The following SIGIRR variants were observed in gnomAD, a reference collection of about 807,000 sequenced individuals.
SIGIRR encodes single Ig and TIR domain containing.
In SIGIRR, 41 loss-of-function variants were observed where a neutral mutation model predicts 45.6. The ratio of observed to expected loss-of-function variants is 0.90; its 90% CI spans 0.70 to 1.17. The LOEUF (loss-of-function observed/expected upper bound fraction) is 1.17. Among genes scored for constraint, SIGIRR ranks in the 50% most tolerant of loss-of-function variants. SIGIRR has a pLI of 0.00. For missense variants in SIGIRR, 599 were observed against 539.6 expected, an observed-to-expected ratio of 1.11 and a Z score of -1.09; for synonymous variants, 298 against 239.0, an observed-to-expected ratio of 1.25 and a Z score of -2.28.
chr11:409,130 T>G, intron 2 of SIGIRR: 1 of 573,422 alleles, frequency 1.7e-6, no homozygotes. Flanking sequence ...GTGGCCACAG[T>G]TGAGCTGCCC....
chr11:408,278 G>A, intron 3 of SIGIRR, 72 bp from the exon 4 acceptor site: 1 of 1,565,724 alleles, frequency 6.4e-7, no homozygotes, highest in Non-Finnish European at 8.6e-7. Context: ...ACCTGTCTGG[G>A]TTCACCCAGG....
intron 1 of SIGIRR, among the ~76,000 whole-genome samples, chr11:410,619 C>G (rs1272788155): frequency 5.3e-4 from 3 of 5,702 alleles, no homozygotes; most frequent in African/African-American, 3.0e-3. Context: ...TGGATGCAGT[C>G]GGGGGGGGGG....
At chr11:409,779 A>AT in intron 2 of SIGIRR, 89 bp downstream of exon 2, 4 of 1,323,790 alleles carry the variant, frequency 3.0e-6, no homozygotes, top group Non-Finnish European at 3.9e-6. Context: ...AGTGCCTGGG[A>AT]TAAGAGCAGG....
chr11:406,196 G>T (rs776210582), intron 9 of SIGIRR, 137 bp from the exon 10 acceptor site: 17 of 1,537,984 alleles, frequency 1.1e-5, no homozygotes, highest in Admixed American at 5.9e-5. Flanking sequence ...ACCGAGGGCC[G>T]AGCACCTCCA....
intron 1 of SIGIRR, among the ~76,000 whole-genome samples, chr11:413,246 C>G (rs1407099740): frequency 6.6e-6 from 1 of 152,152 alleles, no homozygotes; most frequent in African/African-American, 2.4e-5. Context: ...GAAGCACAGC[C>G]AGAGGCCCCA....
At chr11:415,554 G>A (rs1472752918), upstream of SIGIRR, among the ~76,000 whole-genome samples, 2 of 152,236 alleles carry the variant, frequency 1.3e-5, no homozygotes, top group South Asian at 2.1e-4. This position sits in a 1 kb window ranked among gnomAD's most constrained non-coding sequence, Gnocchi z 6.6. Context: ...AGAAACTCCC[G>A]GTCAACAATG....
At chr11:415,559 A>C (rs1847859592), upstream of SIGIRR, among the ~76,000 whole-genome samples, 1 of 152,176 alleles carries the variant, frequency 6.6e-6, no homozygotes, top group Non-Finnish European at 1.5e-5. The surrounding 1 kb of genome is among the most constrained non-coding windows in gnomAD (Gnocchi z 6.6). Flanking sequence ...CTCCCGGTCA[A>C]CAATGGGGCT....
intron 2 of SIGIRR, 43 bp downstream of exon 2, chr11:409,825 T>C: frequency 7.3e-7 from 1 of 1,363,230 alleles, no homozygotes; most frequent in African/African-American, 1.5e-5. Context: ...GGGCAGGAGG[T>C]GGGAGTGGGG....
In SIGIRR at chr11:409,959, C is replaced by T. The variant is rs1847511600; in HGVS notation, c.-85G>A. On this transcript the variant is annotated 5_prime_UTR_variant, in exon 2 of 10. Transcript: ENST00000431843. ...CGGGCTCCTCGGCCAGCAGACTGAT[C>T]CAAGAGCTGGGCAGGACTCCTCTCT... is the stretch of plus-strand genomic sequence containing the variant. 8.0e-7 allele frequency: 1 copy of T among 1,255,974 alleles called. No homozygotes were observed. The highest frequency in any genetic ancestry group is 1.0e-6 in the Non-Finnish European group (1 of 996,540). The allele number at this position is 1,255,974 out of a possible 1,614,324, so 77.8% of individuals were successfully genotyped here.
intron 2 of SIGIRR, 126 bp from the exon 3 acceptor site, chr11:409,019 A>C (rs1332778292): frequency 1.2e-6 from 1 of 841,832 alleles, no homozygotes; most frequent in African/African-American, 1.7e-5. Flanking sequence ...ATGTCTGTCC[A>C]CGAGTCCCAT....
rs762216833 is a variant in SIGIRR at position 405,959 on chromosome 11, G to C, written c.1170C>G (p.Leu390=). ...TGCGGGCACTGTAGTTTCGCGAGCC[G>C]AGATCCGAGACGTCCACTTCGCTGC... ...SRSSEVDVSD[L]GSRNYSARTD... Residue 390 remains leucine, a synonymous_variant, in exon 10 of 10, where the codon CTC becomes CTG. Transcript: ENST00000431843. The C allele has an allele frequency of 4.3e-6, 7 of 1,612,150 alleles. No homozygotes were observed. In the African/African-American group the frequency reaches 8.0e-5, roughly 18 times the overall value.
Position 408,218 on chromosome 11 carries a change from A to G in SIGIRR, c.207-12T>C, listed in dbSNP as rs756021198. 32 of 1,612,102 alleles carry G rather than the reference A, an allele frequency of 2.0e-5. No homozygotes were observed. The highest frequency in any genetic ancestry group is 2.7e-5 in the Non-Finnish European group (32 of 1,179,830). On this transcript the variant is annotated splice_polypyrimidine_tract_variant and intron_variant, in intron 3 of 9. Transcript: ENST00000431843. ...GGTTGGCCTTGACCCTGGGGATACCAAGCCAGGGTCAGGGTCGACTGGGGA... is the reference window on the plus strand; with the variant it reads ...GGTTGGCCTTGACCCTGGGGATACCGAGCCAGGGTCAGGGTCGACTGGGGA...
Position 407,157 on chromosome 11 carries a change from G to T in SIGIRR, c.633C>A (p.Ser211=). The change falls in exon 7 of 10, where the codon TCC becomes TCA. Residue 211 remains serine (S), a synonymous_variant. Coordinates refer to ENST00000431843, the MANE Select transcript of SIGIRR (RefSeq NM_001135054.2). ...GGCTCAGGTTCACCAAGAGGTCGGC[G>T]GAGGGCTCTGCGGGAGGGCGGGCGT... ...DRDLLPRAEP[S]ADLLVNLSRC... 1.3e-6 allele frequency: 2 copies of T among 1,507,562 alleles called. No homozygotes were observed. Among genetic ancestry groups the T allele is most frequent in the Non-Finnish European group, 1.8e-6 (2 of 1,133,370 alleles). 93.4% of individuals were successfully genotyped at this position (1,507,562 alleles called of 1,614,324 possible). A position where few individuals can be genotyped will look rare whatever the true frequency, so the allele number is the denominator to read the frequency against.
chr11:410,091 C>T lies in SIGIRR; in HGVS notation c.-153-64G>A, dbSNP rs1344419817. 5.7e-6 allele frequency: 7 copies of T among 1,221,528 alleles called. No homozygotes were observed. In the African/African-American group the frequency reaches 1.1e-4, roughly 19 times the overall value. 75.7% of individuals were successfully genotyped at this position (1,221,528 alleles called of 1,614,324 possible). A position where few individuals can be genotyped will look rare whatever the true frequency, so the allele number is the denominator to read the frequency against. ...GATGAGTTAACCAGTAACTGCCGGCCACAGACAGCACTGGCCCTGACCAGA... is the reference window on the plus strand; with the variant it reads ...GATGAGTTAACCAGTAACTGCCGGCTACAGACAGCACTGGCCCTGACCAGA... On this transcript the variant is annotated intron_variant, in intron 1 of 9. Coordinates refer to ENST00000431843, the MANE Select transcript of SIGIRR (RefSeq NM_001135054.2).
chr11:407,117 T>TCTACACA lies in SIGIRR; in HGVS notation c.672_673insTGTGTAG (p.Ile225CysfsTer118). Reference sequence around the variant, plus strand: ...AGGAAGGCGTCCGAAAGCACCACGATGAGGCGTCGGCAGCGGCTCAGGTTC... The same window carrying TCTACACA: ...AGGAAGGCGTCCGAAAGCACCACGATCTACACAGAGGCGTCGGCAGCGGCTCAGGTTC... On this transcript the variant is annotated frameshift_variant, in exon 7 of 10. Transcript: ENST00000431843. LOFTEE classifies it high-confidence loss of function. The TCTACACA allele has an allele frequency of 6.5e-7, 1 of 1,534,264 alleles. No homozygotes were observed. Among genetic ancestry groups the TCTACACA allele is most frequent in the Admixed American group, 1.9e-5 (1 of 52,192 alleles).
At chr11:410,686 A>C (rs1590381631) in intron 1 of SIGIRR, among the ~76,000 whole-genome samples, 1 of 69,734 alleles carries the variant, frequency 1.4e-5, no homozygotes, top group Admixed American at 2.3e-4. Context: ...AGCTCTGACC[A>C]TGTCTGGATG....
At chr11:415,433 G>A (rs1455826235), upstream of SIGIRR, among the ~76,000 whole-genome samples, 1 of 152,126 alleles carries the variant, frequency 6.6e-6, no homozygotes, top group Non-Finnish European at 1.5e-5. This position sits in a 1 kb window ranked among gnomAD's most constrained non-coding sequence, Gnocchi z 6.6. Flanking sequence ...GGAGGACCGG[G>A]GACCGCGCGG....
At chr11:416,328 G>C (rs1160537161), upstream of SIGIRR, among the ~76,000 whole-genome samples, 2 of 152,010 alleles carry the variant, frequency 1.3e-5, no homozygotes, top group African/African-American at 2.4e-5. This position sits in a 1 kb window ranked among gnomAD's most constrained non-coding sequence, Gnocchi z 9.1. Flanking sequence ...GGCTGGCTTG[G>C]CACCCTCTCC....
At chr11:406,275 T>C (rs755234834) in intron 9 of SIGIRR, 74 bp downstream of exon 9, 1 of 1,562,246 alleles carries the variant, frequency 6.4e-7, no homozygotes, top group Non-Finnish European at 8.7e-7. Context: ...CTCCAGGCCC[T>C]GTGCCCTGTG....
Sources: gnomAD v4.1 joint callset for allele counts (sites outside exome capture counted in the v4.1 genomes callset) on GRCh38, gnomAD v4.1.1 for gene constraint, Gnocchi (gnomAD v3.1) non-coding constraint, MANE v1.5 for transcripts, NCBI Gene and HGNC (gene_info 2026-07-23, HGNC 2026-07-21) for gene names.